Variants in NUP155 observed in about 807,000 individuals in gnomAD.
The protein encoded by NUP155 is nucleoporin 155.
Under a neutral mutation model 180.4 loss-of-function variants are expected in NUP155, and 71 were observed. The observed-to-expected ratio is 0.39, with a 90% CI of 0.33 to 0.48. NUP155 has a LOEUF of 0.48. Among genes scored for constraint, NUP155 ranks in the 20% least tolerant of loss-of-function variants. The pLI is 0.91. For synonymous variants in NUP155, 582 were observed against 559.5 expected (o/e 1.04, Z -0.57); for missense variants, 1,553 against 1,648.9 (o/e 0.94, Z 1.01).
chr5:37,357,472 C>A (rs2111658393), intron 4 of NUP155, among the ~76,000 whole-genome samples: 1 of 122,656 alleles, frequency 8.2e-6, no homozygotes, highest in Non-Finnish European at 1.7e-5. Flanking sequence ...TTTTTCTTAA[C>A]ATTAAATTCA....
chr5:37,314,406 G>T, intron 21 of NUP155, 78 bp from the exon 22 acceptor site: 2 of 1,109,768 alleles, frequency 1.8e-6, no homozygotes, highest in Non-Finnish European at 2.6e-6. Context: ...CTGTAGTTAA[G>T]GTTGAAATCC....
At chr5:37,359,960 T>C (rs1335648080) in intron 3 of NUP155, among the ~76,000 whole-genome samples, 2 of 151,764 alleles carry the variant, frequency 1.3e-5, no homozygotes, top group Non-Finnish European at 2.9e-5. Context: ...CTACTAAAAA[T>C]AGAAAAAATT....
chr5:37,333,007 G>C (rs1745079572), intron 13 of NUP155, among the ~76,000 whole-genome samples: 1 of 151,786 alleles, frequency 6.6e-6, no homozygotes, highest in Non-Finnish European at 1.5e-5. Context: ...TGATAATTTT[G>C]ACTAATTATA....
intron 1 of NUP155, among the ~76,000 whole-genome samples, chr5:37,369,018 TGA>T (rs1235213348): frequency 1.3e-5 from 2 of 152,164 alleles, no homozygotes; most frequent in Non-Finnish European, 2.9e-5. Context: ...TTTGGAAGGC[TGA>T]GGTAGGAGGA....
intron 23 of NUP155, among the ~76,000 whole-genome samples, chr5:37,309,993 A>G (rs1307946903): frequency 6.6e-6 from 1 of 151,964 alleles, no homozygotes; most frequent in Non-Finnish European, 1.5e-5. Flanking sequence ...GGTTGCAGTG[A>G]GCTGAGATCG....
chr5:37,294,024 A>AAAAAAAAAAAAAAAAAAAAAAAAC (rs1742382479), intron 33 of NUP155, among the ~76,000 whole-genome samples: 1 of 76,194 alleles, frequency 1.3e-5, no homozygotes, highest in African/African-American at 3.8e-4. Context: ...AAAAAAAAAA[A>AAAAAAAAAAAAAAAAAAAAAAAAC]AAAATAAAGC....
At position 37,294,306 on chromosome 5, in the gene NUP155, ATGT is replaced by A. The variant is rs1742400310; in HGVS notation, c.3930+20_3930+22del. On this transcript the variant is annotated intron_variant, in intron 33 of 34. Coordinates refer to ENST00000231498, the MANE Select transcript of NUP155 (RefSeq NM_153485.3). ...TACTTTAATTAAAGAAAATAATTTT[ATGT>A]TATTTAATATTTTCCTTACCCGTGA... 15 of 1,441,058 alleles carry A rather than the reference ATGT, an allele frequency of 1.0e-5. No homozygotes were observed. The highest frequency in any genetic ancestry group is 1.4e-5 in the Non-Finnish European group (15 of 1,048,322). The allele number at this position is 1,441,058 out of a possible 1,614,324, so 89.3% of individuals were successfully genotyped here.
chr5:37,291,842 G>T lies in NUP155; in HGVS notation c.*58C>A. On this transcript the variant is annotated 3_prime_UTR_variant, in exon 35 of 35. Transcript: ENST00000231498. ...TTAGATTTAGAACACCTGATATCTGGACCCAGCTGAGTTTTTATTTTACAG... is the reference window on the plus strand; with the variant it reads ...TTAGATTTAGAACACCTGATATCTGTACCCAGCTGAGTTTTTATTTTACAG... 6.6e-7 allele frequency: 1 copy of T among 1,509,302 alleles called. No homozygotes were observed. Among genetic ancestry groups the T allele is most frequent in the South Asian group, 1.1e-5 (1 of 88,454 alleles). 93.5% of individuals were successfully genotyped at this position (1,509,302 alleles called of 1,614,324 possible).
chr5:37,347,830 A>G (rs1430859870), intron 9 of NUP155, among the ~76,000 whole-genome samples: 3 of 151,356 alleles, frequency 2.0e-5, no homozygotes, highest in Non-Finnish European at 4.4e-5. Flanking sequence ...GCGAAACCCA[A>G]TCTCTACTAA....
chr5:37,288,952 T>C lies in NUP155; in HGVS notation c.*2948A>G. 6.6e-6 allele frequency: 1 copy of C among 152,288 alleles called. No individual in the cohort carries two copies. Among genetic ancestry groups the C allele is most frequent in the Non-Finnish European group, 1.5e-5 (1 of 68,404 alleles). The allele number at this position is 152,288 out of a possible 1,614,324, so 9.4% of individuals were successfully genotyped here. A position where few individuals can be genotyped will look rare whatever the true frequency, so the allele number is the denominator to read the frequency against. ...CAGGCATGGTGGCGCATGCCTGTAATCTCAGCTACTCGGGAGGCTGAGGCA... is the reference window on the plus strand; with the variant it reads ...CAGGCATGGTGGCGCATGCCTGTAACCTCAGCTACTCGGGAGGCTGAGGCA... On this transcript the variant is annotated 3_prime_UTR_variant, in exon 35 of 35. Transcript: ENST00000231498.
intron 14 of NUP155, among the ~76,000 whole-genome samples, chr5:37,331,285 T>G (rs1215998558): frequency 2.6e-5 from 4 of 151,632 alleles, no homozygotes; most frequent in Non-Finnish European, 5.9e-5. Flanking sequence ...TAAGATTATC[T>G]ATTTATGGCT....
chr5:37,360,664 T>C (rs1166302068), intron 3 of NUP155, among the ~76,000 whole-genome samples: 1 of 151,048 alleles, frequency 6.6e-6, no homozygotes, highest in Non-Finnish European at 1.5e-5. Flanking sequence ...TGCATGCCTA[T>C]AATCCCAGTT....
chr5:37,333,387 C>T (rs1581173114), intron 13 of NUP155, 76 bp downstream of exon 13: 6 of 1,216,768 alleles, frequency 4.9e-6, no homozygotes, highest in African/African-American at 3.0e-5. Context: ...TCAATTAAGC[C>T]ACTACTTCAG....
At chr5:37,316,592 G>A (rs967967687) in intron 21 of NUP155, among the ~76,000 whole-genome samples, 1 of 152,026 alleles carries the variant, frequency 6.6e-6, no homozygotes, top group African/African-American at 2.4e-5. Context: ...GGCCTCCCGA[G>A]CAGCTGGGAT....
intron 19 of NUP155, among the ~76,000 whole-genome samples, chr5:37,324,907 G>A (rs1285282842): frequency 6.6e-6 from 1 of 152,140 alleles, no homozygotes; most frequent in Non-Finnish European, 1.5e-5. Context: ...TGTATTCTCA[G>A]TGGAGGCCGA....
intron 8 of NUP155, 103 bp from the exon 9 acceptor site, chr5:37,348,699 A>G: frequency 1.3e-6 from 1 of 755,502 alleles, no homozygotes; most frequent in Non-Finnish European, 2.3e-6. Context: ...ATTTAATACA[A>G]ACATGAAAAC....
chr5:37,314,560 G>A (rs1289208302), intron 21 of NUP155, among the ~76,000 whole-genome samples: 2 of 152,162 alleles, frequency 1.3e-5, no homozygotes, highest in African/African-American at 4.8e-5. Flanking sequence ...CTGTGTGGCT[G>A]GGCGCGGTGG....
intron 30 of NUP155, among the ~76,000 whole-genome samples, chr5:37,300,714 T>C (rs936638891): frequency 6.6e-6 from 1 of 152,076 alleles, no homozygotes; most frequent in Non-Finnish European, 1.5e-5. Flanking sequence ...TGGAATGCAG[T>C]AGCACCATCG....
intron 32 of NUP155, among the ~76,000 whole-genome samples, chr5:37,297,621 C>T (rs899416763): frequency 6.6e-6 from 1 of 152,006 alleles, no homozygotes; most frequent in East Asian, 1.9e-4. Flanking sequence ...CTCAAGCGAT[C>T]CATCCGCCTC....
Sources: allele counts gnomAD v4.1 joint callset (sites outside exome capture counted in the v4.1 genomes callset), GRCh38; gene constraint gnomAD v4.1.1; transcripts MANE v1.5; gene names NCBI Gene and HGNC (gene_info 2026-07-23, HGNC 2026-07-21).